The following SPAST variants were observed in gnomAD, a reference collection of about 807,000 sequenced individuals.
SPAST encodes the protein spastic paraplegia 4 (autosomal dominant; spastin).
Under a neutral mutation model 76.6 loss-of-function variants are expected in SPAST, and 30 were observed. That is an observed-to-expected ratio of 0.39 (90% CI 0.29 to 0.53). SPAST has a LOEUF of 0.53. Among genes scored for constraint, SPAST ranks in the 20% least tolerant of loss-of-function variants. The pLI, the probability that SPAST is intolerant of heterozygous loss-of-function variation, is 0.68. For synonymous variants in SPAST, 305 were observed against 281.0 expected (o/e 1.09, Z -0.86); for missense variants, 717 against 770.5 (o/e 0.93, Z 0.82).
intron 16 of SPAST, among the ~76,000 whole-genome samples, chr2:32,152,441 A>G (rs1365997339): frequency 6.6e-6 from 1 of 151,878 alleles, no homozygotes; most frequent in East Asian, 1.9e-4. Flanking sequence ...GTGGTGGCGC[A>G]CACCTATAGT....
intron 1 of SPAST, among the ~76,000 whole-genome samples, chr2:32,085,007 T>C (rs1573064339): frequency 6.6e-6 from 1 of 151,726 alleles, no homozygotes; most frequent in South Asian, 2.1e-4. Context: ...TTAAGCCAAA[T>C]ATGACATTGT....
chr2:32,107,039 A>G (rs946229840), intron 4 of SPAST, among the ~76,000 whole-genome samples: 5 of 151,958 alleles, frequency 3.3e-5, no homozygotes, highest in Admixed American at 1.3e-4. Flanking sequence ...TTTCCTTGTT[A>G]TCTTGATTCT....
At position 32,154,370 on chromosome 2, in the gene SPAST, C is replaced by G. The variant is rs934248183; in HGVS notation, c.1729-4C>G. 1.9e-6 allele frequency: 3 copies of G among 1,611,758 alleles called. No individual in the cohort carries two copies. The highest frequency in any genetic ancestry group is 2.7e-5 in the African/African-American group (2 of 74,848). The stretch of plus-strand genomic sequence containing the variant: ...GTATTGTCATGTGCTTTTTAAAAAT[C>G]TAGATGAGAAATATTCGATTATCTG... On this transcript the variant is annotated splice_polypyrimidine_tract_variant and splice_region_variant and intron_variant, in intron 16 of 16. Transcript: ENST00000315285.
intron 4 of SPAST, among the ~76,000 whole-genome samples, chr2:32,101,097 T>G (rs970361983): frequency 5.9e-5 from 9 of 152,196 alleles, no homozygotes; most frequent in African/African-American, 2.2e-4. Context: ...AGTGTTCCTG[T>G]TTCTCCACAT....
At chr2:32,142,187 T>C (rs1679742176) in intron 13 of SPAST, among the ~76,000 whole-genome samples, 2 of 152,162 alleles carry the variant, frequency 1.3e-5, no homozygotes, top group Non-Finnish European at 2.9e-5. Context: ...AGCAGCAATA[T>C]TAATAATAGC....
At chr2:32,138,795 C>G (rs1311989211) in intron 12 of SPAST, among the ~76,000 whole-genome samples, 2 of 152,152 alleles carry the variant, frequency 1.3e-5, no homozygotes, top group Non-Finnish European at 2.9e-5. Flanking sequence ...ACTTTGAGAT[C>G]TTACATTTAA....
At chr2:32,135,800 C>G (rs1235760140) in intron 9 of SPAST, among the ~76,000 whole-genome samples, 1 of 152,062 alleles carries the variant, frequency 6.6e-6, no homozygotes, top group African/African-American at 2.4e-5. Context: ...AAATTTCCCT[C>G]TCCAAATAGG....
intron 3 of SPAST, among the ~76,000 whole-genome samples, chr2:32,093,041 C>G (rs1279621184): frequency 6.8e-6 from 1 of 147,688 alleles, no homozygotes; most frequent in Non-Finnish European, 1.5e-5. Flanking sequence ...GTGGCTCACA[C>G]CTGTAATCCT....
intron 7 of SPAST, among the ~76,000 whole-genome samples, chr2:32,122,720 G>C (rs1679060044): frequency 6.6e-6 from 1 of 151,782 alleles, no homozygotes. Context: ...CAGGAAGATT[G>C]CTTGAGTCCA....
chr2:32,153,320 T>A (rs1680148376), intron 16 of SPAST, among the ~76,000 whole-genome samples: 1 of 476 alleles, frequency 2.1e-3, no homozygotes, highest in Non-Finnish European at 5.3e-3. Context: ...TTGCCTTAAT[T>A]TTTTTTTTTT....
intron 3 of SPAST, among the ~76,000 whole-genome samples, chr2:32,095,878 G>GT (rs1364965978): frequency 6.6e-6 from 1 of 152,188 alleles, no homozygotes; most frequent in Non-Finnish European, 1.5e-5. Context: ...TTGCCGAGGC[G>GT]TAAGAGGTAT....
At chr2:32,095,572 TA>T (rs35757220) in intron 3 of SPAST, among the ~76,000 whole-genome samples, 14,981 of 141,168 alleles carry the variant, frequency 0.11, 787 homozygotes, top group Middle Eastern at 0.21. Flanking sequence ...TGTCTAAATT[TA>T]AAAAAAAAAA....
intron 1 of SPAST, among the ~76,000 whole-genome samples, chr2:32,064,950 A>C (rs901765138): frequency 3.3e-5 from 5 of 152,204 alleles, no homozygotes; most frequent in African/African-American, 1.2e-4. Flanking sequence ...CTTTACAGTA[A>C]AACCTAAAAC....
intron 1 of SPAST, 39 bp downstream of exon 1, chr2:32,064,285 A>C: frequency 7.4e-7 from 1 of 1,353,102 alleles, no homozygotes; most frequent in Non-Finnish European, 1.0e-6. Flanking sequence ...CGGCGCCGGG[A>C]AGAAGGCGGT....
At chr2:32,132,053 C>T (rs1425519831) in intron 9 of SPAST, among the ~76,000 whole-genome samples, 1 of 152,150 alleles carries the variant, frequency 6.6e-6, no homozygotes, top group Non-Finnish European at 1.5e-5. Flanking sequence ...ATCTTAACCC[C>T]CAATTCTGAT....
chr2:32,100,149 T>C (rs1164670987), intron 4 of SPAST, among the ~76,000 whole-genome samples: 2 of 152,196 alleles, frequency 1.3e-5, no homozygotes, highest in Non-Finnish European at 2.9e-5. Context: ...GAGTTCACTT[T>C]CTACACATCC....
intron 16 of SPAST, among the ~76,000 whole-genome samples, chr2:32,148,703 T>C (rs952225011): frequency 1.1e-4 from 16 of 151,232 alleles, no homozygotes; most frequent in African/African-American, 3.9e-4. Flanking sequence ...CCCAGCTACT[T>C]GGGAGGCTGA....
chr2:32,113,560 C>CTTTTTTT (rs10534612), intron 4 of SPAST, among the ~76,000 whole-genome samples: 2 of 90,946 alleles, frequency 2.2e-5, no homozygotes, highest in African/African-American at 4.3e-5. Context: ...TGCTTCATAA[C>CTTTTTTT]TTTTTTTTTT....
chr2:32,145,930 A>T (rs941220925), intron 15 of SPAST, among the ~76,000 whole-genome samples: 2 of 152,340 alleles, frequency 1.3e-5, no homozygotes, highest in African/African-American at 4.8e-5. Context: ...TTGTACGAGA[A>T]AGATGTTATC....
Sources: allele counts gnomAD v4.1 joint callset (sites outside exome capture counted in the v4.1 genomes callset), GRCh38; gene constraint gnomAD v4.1.1; transcripts MANE v1.5; gene names NCBI Gene and HGNC (gene_info 2026-07-23, HGNC 2026-07-21).